Variants in ADGRL3 observed in about 807,000 individuals in gnomAD.
The protein encoded by ADGRL3 is calcium-independent alpha-latrotoxin receptor 3.
ADGRL3 carries 62 observed loss-of-function variants against 153.5 expected under a neutral mutation model. That is an observed-to-expected ratio of 0.40 (90% CI 0.33 to 0.50). The LOEUF (loss-of-function observed/expected upper bound fraction) is 0.50. Ranked by LOEUF, ADGRL3 falls within the 20% of genes least tolerant of loss-of-function variation. ADGRL3 has a pLI of 0.47. For synonymous variants in ADGRL3, 710 were observed against 672.5 expected, an observed-to-expected ratio of 1.06 and a Z score of -0.86; for missense variants, 1,641 against 1,859.4, an observed-to-expected ratio of 0.88 and a Z score of 2.16.
intron 24 of ADGRL3, among the ~76,000 whole-genome samples, chr4:62,039,392 C>A (rs1005496372): frequency 1.8e-4 from 28 of 152,248 alleles, no homozygotes; most frequent in Admixed American, 9.2e-4. Context: ...AAAACCATGT[C>A]TTTAATATCA....
chr4:61,569,819 C>T (rs1280144033), intron 4 of ADGRL3, among the ~76,000 whole-genome samples: 1 of 151,972 alleles, frequency 6.6e-6, no homozygotes, highest in African/African-American at 2.4e-5. Context: ...ATAAGATTAG[C>T]CAGTTTAAAA....
At chr4:61,505,915 A>G (rs1485906901) in intron 3 of ADGRL3, among the ~76,000 whole-genome samples, 1 of 152,092 alleles carries the variant, frequency 6.6e-6, no homozygotes, top group African/African-American at 2.4e-5. Context: ...TTGATACTGA[A>G]TAGCTCCTGT....
intron 17 of ADGRL3, among the ~76,000 whole-genome samples, chr4:61,958,653 AC>A (rs1201306490): frequency 6.6e-6 from 1 of 152,052 alleles, no homozygotes; most frequent in African/African-American, 2.4e-5. Flanking sequence ...GAAAACTGCC[AC>A]TTTTAAACTA....
chr4:61,915,222 T>G (rs2149887816), intron 13 of ADGRL3, among the ~76,000 whole-genome samples: 1 of 149,782 alleles, frequency 6.7e-6, no homozygotes, highest in African/African-American at 2.4e-5. Context: ...GAAAAATTGC[T>G]TTGGGAGGTA....
At chr4:61,834,248 G>A (rs1042014209) in intron 9 of ADGRL3, among the ~76,000 whole-genome samples, 3 of 152,018 alleles carry the variant, frequency 2.0e-5, no homozygotes, top group African/African-American at 7.3e-5. Context: ...TGCTGAGAAT[G>A]ATAGTTTCCA....
intron 8 of ADGRL3, among the ~76,000 whole-genome samples, chr4:61,803,257 G>A (rs2097521454): frequency 6.6e-6 from 1 of 152,112 alleles, no homozygotes; most frequent in Non-Finnish European, 1.5e-5. Flanking sequence ...AGAGTCAAAA[G>A]TATTGTTTGA....
At chr4:61,839,663 G>A (rs1056076073) in intron 9 of ADGRL3, among the ~76,000 whole-genome samples, 3 of 151,826 alleles carry the variant, frequency 2.0e-5, no homozygotes, top group Non-Finnish European at 4.4e-5. Context: ...GAAAAGGCCA[G>A]CTCTCATGCC....
intron 11 of ADGRL3, among the ~76,000 whole-genome samples, 164 bp downstream of exon 11, chr4:61,895,998 G>A (rs569195495): frequency 8.5e-5 from 13 of 152,092 alleles, no homozygotes; most frequent in African/African-American, 3.1e-4. Context: ...CTAGAATTTT[G>A]TTGTTTTTAA....
chr4:61,345,574 A>T (rs942765489), intron 1 of ADGRL3, among the ~76,000 whole-genome samples: 4 of 152,208 alleles, frequency 2.6e-5, no homozygotes, highest in African/African-American at 9.6e-5. Flanking sequence ...GGCAAGAATA[A>T]AAACTATGGT....
At chr4:61,985,272 A>G (rs2099081327) in intron 19 of ADGRL3, among the ~76,000 whole-genome samples, 1 of 151,548 alleles carries the variant, frequency 6.6e-6, no homozygotes, top group African/African-American at 2.4e-5. Context: ...TTTTTTTGAA[A>G]TTGTAAAATG....
chr4:61,801,075 G>A (rs560514051), intron 8 of ADGRL3, among the ~76,000 whole-genome samples: 218 of 152,184 alleles, frequency 1.4e-3, no homozygotes, highest in Non-Finnish European at 2.2e-3. Context: ...CAGGTGGTTC[G>A]GCACATTAGT....
chr4:61,734,622 G>T (rs1001500433), intron 8 of ADGRL3, among the ~76,000 whole-genome samples: 1 of 152,206 alleles, frequency 6.6e-6, no homozygotes, highest in Non-Finnish European at 1.5e-5. Flanking sequence ...ACCAGGTCCT[G>T]CCCTCCACAT....
At chr4:61,387,503 G>A (rs900023157) in intron 2 of ADGRL3, among the ~76,000 whole-genome samples, 4 of 151,982 alleles carry the variant, frequency 2.6e-5, no homozygotes, top group African/African-American at 9.7e-5. Context: ...AGACGACCAC[G>A]CCCCAGGGGG....
chr4:61,555,943 T>C (rs573706308), intron 4 of ADGRL3, among the ~76,000 whole-genome samples: 10 of 152,264 alleles, frequency 6.6e-5, no homozygotes, highest in Admixed American at 5.9e-4. Context: ...AGCCGGCTTC[T>C]TTACTACAAC....
At chr4:61,421,959 A>G (rs961104726) in intron 2 of ADGRL3, among the ~76,000 whole-genome samples, 3 of 152,124 alleles carry the variant, frequency 2.0e-5, no homozygotes, top group South Asian at 2.1e-4. Context: ...TCATTCATCT[A>G]TTCATCTATT....
chr4:62,078,243 C>A lies in ADGRL3; in HGVS notation c.*7335C>A, dbSNP rs1161400238. ...GCTATTGGATATTTCCCTTGTACAA[C>A]CTTTACATCCTTTTTTTTTCCTTAA... is the stretch of plus-strand genomic sequence containing the variant. On this transcript the variant is annotated 3_prime_UTR_variant, in exon 27 of 27. Transcript: ENST00000683033. 6.6e-6 allele frequency: 1 copy of A among 151,844 alleles called. No individual in the cohort carries two copies. Among genetic ancestry groups the A allele is most frequent in the Non-Finnish European group, 1.5e-5 (1 of 67,858 alleles). 9.4% of individuals were successfully genotyped at this position (151,844 alleles called of 1,614,324 possible). A position where few individuals can be genotyped will look rare whatever the true frequency, so the allele number is the denominator to read the frequency against.
intron 1 of ADGRL3, among the ~76,000 whole-genome samples, chr4:61,210,093 C>T (rs961532645): frequency 2.6e-5 from 4 of 151,992 alleles, no homozygotes; most frequent in Non-Finnish European, 5.9e-5. Flanking sequence ...AGTTACAGTG[C>T]CAATAAGAGA....
chr4:61,407,702 G>T (rs1227371209), intron 2 of ADGRL3, among the ~76,000 whole-genome samples: 1 of 152,092 alleles, frequency 6.6e-6, no homozygotes, highest in Non-Finnish European at 1.5e-5. Flanking sequence ...AAGAGACGAG[G>T]GAGACTGCAT....
chr4:61,779,025 T>A (rs116497571), intron 8 of ADGRL3, among the ~76,000 whole-genome samples: 2,764 of 149,616 alleles, frequency 0.018, 35 homozygotes, highest in Non-Finnish European at 0.03. Flanking sequence ...GCCATTTGAC[T>A]CAAGCCTGGG....
Sources: allele counts gnomAD v4.1 joint callset (sites outside exome capture counted in the v4.1 genomes callset), GRCh38; gene constraint gnomAD v4.1.1; transcripts MANE v1.5; gene names NCBI Gene and HGNC (gene_info 2026-07-23, HGNC 2026-07-21).